The following CDH18 variants were observed in gnomAD, a reference collection of about 807,000 sequenced individuals.
The protein encoded by CDH18 is cadherin 18, also known as cadherin-18.
Under a neutral mutation model 67.9 loss-of-function variants are expected in CDH18, and 31 were observed. The observed-to-expected ratio is 0.46, with a 90% confidence interval of 0.34 to 0.62. The LOEUF is 0.62. CDH18 is among the 20% of genes least tolerant of loss of function. The probability of loss-of-function intolerance (pLI) is 0.01; values close to 1 mark genes in which losing one functional copy is unlikely to be tolerated. For missense variants in CDH18, 890 were observed against 975.5 expected (o/e 0.91, Z 1.17); for synonymous variants, 362 against 347.2 (o/e 1.04, Z -0.48).
intron 1 of CDH18, among the ~76,000 whole-genome samples, chr5:20,334,862 T>C (rs1333147705): frequency 2.0e-5 from 3 of 151,984 alleles, no homozygotes; most frequent in African/African-American, 7.3e-5. Context: ...GACTCCTCTC[T>C]TTTTCTCTCA....
intron 2 of CDH18, among the ~76,000 whole-genome samples, chr5:19,896,450 G>C (rs1789347770): frequency 6.6e-6 from 1 of 152,088 alleles, no homozygotes; most frequent in Non-Finnish European, 1.5e-5. Flanking sequence ...AGAGGCAAGG[G>C]GCTAGGTACA....
At chr5:19,902,884 AC>A (rs1206165417) in intron 2 of CDH18, among the ~76,000 whole-genome samples, 1 of 152,054 alleles carries the variant, frequency 6.6e-6, no homozygotes, top group African/African-American at 2.4e-5. Flanking sequence ...CTTATGAAGC[AC>A]CCCGTATTGT....
intron 2 of CDH18, among the ~76,000 whole-genome samples, chr5:19,846,237 C>G (rs1222015561): frequency 6.6e-6 from 1 of 152,014 alleles, no homozygotes; most frequent in African/African-American, 2.4e-5. Flanking sequence ...TTATAACAAT[C>G]TATTTTAAGC....
intron 1 of CDH18, among the ~76,000 whole-genome samples, chr5:20,431,090 C>T (rs772418036): frequency 3.9e-5 from 6 of 152,072 alleles, no homozygotes; most frequent in Non-Finnish European, 5.9e-5. Context: ...ACCACTAATT[C>T]TTATTGAATA....
At chr5:19,579,944 T>C (rs2149978828) in intron 7 of CDH18, among the ~76,000 whole-genome samples, 1 of 151,886 alleles carries the variant, frequency 6.6e-6, no homozygotes, top group African/African-American at 2.4e-5. Context: ...AAATACAGAA[T>C]TTTACATTGA....
intron 5 of CDH18, among the ~76,000 whole-genome samples, chr5:19,636,585 TA>T (rs1753187279): frequency 6.6e-6 from 1 of 151,952 alleles, no homozygotes; most frequent in South Asian, 2.1e-4. Context: ...CTGCTACCTC[TA>T]ATCTCCAACA....
At chr5:19,717,967 A>G (rs1040385650) in intron 5 of CDH18, among the ~76,000 whole-genome samples, 1 of 152,024 alleles carries the variant, frequency 6.6e-6, no homozygotes. Context: ...AAATTACCTT[A>G]ACGAAAGTCA....
intron 3 of CDH18, among the ~76,000 whole-genome samples, chr5:19,781,857 G>T (rs1031761293): frequency 6.6e-6 from 1 of 151,842 alleles, no homozygotes; most frequent in African/African-American, 2.4e-5. Flanking sequence ...CATAATTTTT[G>T]GATAATTTCT....
At chr5:20,226,966 T>C (rs1333934016) in intron 2 of CDH18, among the ~76,000 whole-genome samples, 1 of 152,086 alleles carries the variant, frequency 6.6e-6, no homozygotes, top group African/African-American at 2.4e-5. Context: ...ACTCTGTTCC[T>C]CCCATTGTGA....
intron 1 of CDH18, among the ~76,000 whole-genome samples, chr5:20,266,724 G>A (rs973680721): frequency 4.6e-5 from 7 of 151,520 alleles, no homozygotes; most frequent in African/African-American, 7.3e-5. Context: ...CACTGTGCCC[G>A]GCCTTGCTAA....
chr5:19,501,055 C>T (rs1305050292), intron 11 of CDH18, among the ~76,000 whole-genome samples: 1 of 151,538 alleles, frequency 6.6e-6, no homozygotes, highest in East Asian at 1.9e-4. Context: ...ATCGCTTGGA[C>T]CCAGGAGCTG....
intron 2 of CDH18, among the ~76,000 whole-genome samples, chr5:19,970,740 T>A (rs1324303846): frequency 6.6e-6 from 1 of 151,280 alleles, no homozygotes; most frequent in African/African-American, 2.4e-5. Flanking sequence ...ATACATTTAT[T>A]TATACCGTAA....
At chr5:20,370,319 A>G (rs1230548733) in intron 1 of CDH18, among the ~76,000 whole-genome samples, 2 of 152,148 alleles carry the variant, frequency 1.3e-5, no homozygotes, top group African/African-American at 4.8e-5. Flanking sequence ...GTCATATGAT[A>G]TCATATGACT....
chr5:19,489,304 G>A (rs1277740811), intron 11 of CDH18, among the ~76,000 whole-genome samples: 6 of 145,350 alleles, frequency 4.1e-5, no homozygotes, highest in African/African-American at 7.8e-5. Flanking sequence ...CTGGAGTGCA[G>A]TGGTGCAATC....
At chr5:20,301,249 T>C (rs550508982) in intron 1 of CDH18, among the ~76,000 whole-genome samples, 2 of 152,334 alleles carry the variant, frequency 1.3e-5, no homozygotes, top group Non-Finnish European at 2.9e-5. Context: ...TACACTTCCT[T>C]GATGGGAGCA....
chr5:19,722,427 A>T (rs780881585), intron 4 of CDH18, among the ~76,000 whole-genome samples: 1 of 151,402 alleles, frequency 6.6e-6, no homozygotes, highest in African/African-American at 2.4e-5. Flanking sequence ...TGGATTTTTT[A>T]AAATGAAAAT....
intron 2 of CDH18, among the ~76,000 whole-genome samples, chr5:19,870,308 A>T (rs1225526271): frequency 6.6e-6 from 1 of 152,136 alleles, no homozygotes; most frequent in Non-Finnish European, 1.5e-5. Context: ...CAGTAGTTAC[A>T]CATGTATTTT....
chr5:19,848,790 T>C (rs62352162), intron 2 of CDH18, among the ~76,000 whole-genome samples: 43,530 of 150,940 alleles, frequency 0.29, 7,650 homozygotes, highest in South Asian at 0.39. Flanking sequence ...GCATATAAAA[T>C]GCTATACATA....
intron 1 of CDH18, among the ~76,000 whole-genome samples, chr5:20,379,079 G>C (rs1034942437): frequency 2.6e-5 from 4 of 151,896 alleles, no homozygotes; most frequent in African/African-American, 9.7e-5. Context: ...TGTTACCTTA[G>C]GGGTATTTTA....
Sources: allele counts gnomAD v4.1 joint callset (sites outside exome capture counted in the v4.1 genomes callset), GRCh38; gene constraint gnomAD v4.1.1; transcripts MANE v1.5; gene names NCBI Gene and HGNC (gene_info 2026-07-23, HGNC 2026-07-21).